PCDHA8: variants seen among roughly 807,000 people sequenced by gnomAD.
PCDHA8 encodes the protein protocadherin alpha 8.
Under a neutral mutation model 61.8 loss-of-function variants are expected in PCDHA8, and 53 were observed. The observed-to-expected ratio is 0.86, with a 90% CI of 0.69 to 1.08. The LOEUF is 1.08. Ranked by LOEUF, PCDHA8 falls within the 50% of genes least tolerant of loss-of-function variation. The probability of loss-of-function intolerance (pLI) is 0.00; values close to 1 mark genes in which losing one functional copy is unlikely to be tolerated. For missense variants in PCDHA8, 1,293 were observed against 1,245.0 expected (o/e 1.04, Z -0.58); for synonymous variants, 618 against 556.6 (o/e 1.11, Z -1.55).
At chr5:140,942,580 G>A (rs782743450) in intron 1 of PCDHA8, among the ~76,000 whole-genome samples, 4 of 151,104 alleles carry the variant, frequency 2.6e-5, no homozygotes, top group Non-Finnish European at 5.9e-5. Flanking sequence ...TCCCATATAG[G>A]ATGTCACATA....
At chr5:140,912,689 CA>C (rs781833135) in intron 1 of PCDHA8, among the ~76,000 whole-genome samples, 5 of 152,112 alleles carry the variant, frequency 3.3e-5, no homozygotes, top group African/African-American at 4.8e-5. Context: ...TTCCAGGTCT[CA>C]GGGGGAATGC....
intron 1 of PCDHA8, among the ~76,000 whole-genome samples, chr5:140,974,022 A>G (rs1348109814): frequency 2.0e-5 from 3 of 152,248 alleles, no homozygotes; most frequent in African/African-American, 4.8e-5. Context: ...TGATAATACA[A>G]CTATAAATTT....
chr5:140,897,446 T>G (rs2066114237), intron 1 of PCDHA8, among the ~76,000 whole-genome samples: 1 of 151,576 alleles, frequency 6.6e-6, no homozygotes, highest in South Asian at 2.1e-4. Context: ...GTGTTTGGTT[T>G]TTTGTCCTTG....
intron 1 of PCDHA8, among the ~76,000 whole-genome samples, chr5:140,977,937 T>C (rs1264352481): frequency 5.3e-5 from 8 of 152,162 alleles, no homozygotes; most frequent in African/African-American, 1.9e-4. Flanking sequence ...TATACCTCAA[T>C]ATTCAGTGAC....
At chr5:140,938,424 T>C (rs960926721) in intron 1 of PCDHA8, among the ~76,000 whole-genome samples, 1 of 152,204 alleles carries the variant, frequency 6.6e-6, no homozygotes, top group African/African-American at 2.4e-5. Flanking sequence ...TTTGCAAAAA[T>C]CCTTTATCAG....
intron 1 of PCDHA8, chr5:140,860,578 G>T (rs1420299092): frequency 1.3e-5 from 2 of 152,134 alleles, no homozygotes; most frequent in Non-Finnish European, 2.9e-5. Flanking sequence ...ACACAAGAAG[G>T]TATAGGAAAG....
At chr5:141,007,395 C>CAAAAAAAAAAA (rs35800918) in intron 3 of PCDHA8, among the ~76,000 whole-genome samples, 6 of 94,856 alleles carry the variant, frequency 6.3e-5, no homozygotes, top group South Asian at 3.5e-4. Flanking sequence ...TACTAAAATA[C>CAAAAAAAAAAA]AAAAAAAAAA....
intron 1 of PCDHA8, among the ~76,000 whole-genome samples, chr5:140,934,797 T>G (rs1045887352): frequency 2.4e-4 from 36 of 152,236 alleles, no homozygotes; most frequent in Admixed American, 1.4e-3. Context: ...CAATTATCTT[T>G]TTAATGATCA....
At chr5:140,854,909 G>C (rs1295662316) in intron 1 of PCDHA8, among the ~76,000 whole-genome samples, 1 of 149,376 alleles carries the variant, frequency 6.7e-6, no homozygotes, top group Non-Finnish European at 1.5e-5. Flanking sequence ...AATATAACAG[G>C]GTTGAAAGCA....
intron 1 of PCDHA8, chr5:140,860,628 G>A (rs1488931314): frequency 6.6e-6 from 1 of 152,206 alleles, no homozygotes; most frequent in African/African-American, 2.4e-5. Flanking sequence ...ACATATGCAG[G>A]AATCAGGAAC....
Position 140,926,923 on chromosome 5 carries a change from T to C in PCDHA8, c.2395-52026T>C, listed in dbSNP as rs532425369. On this transcript the variant is annotated intron_variant, in intron 1 of 3. Transcript: ENST00000531613. ...GGGCTGTGGGGTGGCAGTTTTATGT[T>C]TGTGGGTTTCCTGCGGCGCTGCAGC... 35 of 1,571,554 alleles carry C rather than the reference T, an allele frequency of 2.2e-5. No homozygotes were observed. The East Asian group carries it at 6.5e-4, about 29-fold the overall frequency.
chr5:140,990,136 A>C (rs996616541), intron 3 of PCDHA8, among the ~76,000 whole-genome samples: 1 of 152,198 alleles, frequency 6.6e-6, no homozygotes, highest in African/African-American at 2.4e-5. Context: ...GTCAGACTCA[A>C]GAGGCATAAT....
At chr5:140,902,071 T>G (rs1288333473) in intron 1 of PCDHA8, among the ~76,000 whole-genome samples, 1 of 152,186 alleles carries the variant, frequency 6.6e-6, no homozygotes, top group African/African-American at 2.4e-5. Flanking sequence ...TTTACTGAAT[T>G]TATTGTTTTA....
At chr5:140,868,057 G>C (rs1243916361) in intron 1 of PCDHA8, 4 of 152,030 alleles carry the variant, frequency 2.6e-5, no homozygotes, top group African/African-American at 7.2e-5. Flanking sequence ...ATGGCACAAA[G>C]ATGTTCAGGG....
Position 140,842,962 on chromosome 5 carries a change from C to G in PCDHA8, c.1641C>G (p.Ser547Arg), listed in dbSNP as rs1554139576. The G allele has an allele frequency of 6.3e-7, 1 of 1,594,950 alleles. No homozygotes were observed. The highest frequency in any genetic ancestry group is 1.3e-5 in the African/African-American group (1 of 74,548). Reference protein sequence around the residue: ...ARDAGVPPLGSNVTLQVFVLD... With the variant: ...ARDAGVPPLGRNVTLQVFVLD... ...ACGCGGGCGTGCCGCCTCTGGGCAG[C>G]AACGTGACGCTGCAGGTGTTCGTGC... Residue 547 changes from serine to arginine, a missense_variant, in exon 1 of 4, where the codon AGC becomes AGG. Physicochemically the swap from Ser to Arg is moderately radical, Grantham distance 110. Coordinates refer to ENST00000531613, the MANE Select transcript of PCDHA8 (RefSeq NM_018911.3).
At chr5:140,848,693 G>C in intron 1 of PCDHA8, 1 of 1,592,386 alleles carries the variant, frequency 6.3e-7, no homozygotes, top group Non-Finnish European at 8.6e-7. Context: ...TGTTCCAGTT[G>C]GATTCCAAAG....
At chr5:140,877,375 C>G (rs782650940) in intron 1 of PCDHA8, 1 of 1,614,006 alleles carries the variant, frequency 6.2e-7, no homozygotes, top group Admixed American at 1.7e-5. Flanking sequence ...CAGCACGACA[C>G]GCATCCTGGA....
chr5:140,964,252 T>G (rs569615423), intron 1 of PCDHA8, among the ~76,000 whole-genome samples: 6 of 152,332 alleles, frequency 3.9e-5, no homozygotes, highest in African/African-American at 1.2e-4. Flanking sequence ...GGCTTTATAT[T>G]TGACTCCTTA....
intron 1 of PCDHA8, chr5:140,848,644 A>C: frequency 6.3e-7 from 1 of 1,593,184 alleles, no homozygotes; most frequent in Non-Finnish European, 8.6e-7. Flanking sequence ...CGCATCGCGC[A>C]GGACCTGGGG....
Sources: allele counts gnomAD v4.1 joint callset (sites outside exome capture counted in the v4.1 genomes callset), GRCh38; gene constraint gnomAD v4.1.1; transcripts MANE v1.5; gene names NCBI Gene and HGNC (gene_info 2026-07-23, HGNC 2026-07-21).